Variants in ZC3H12B observed in about 807,000 individuals in gnomAD.
ZC3H12B encodes probable ribonuclease ZC3H12B.
Under a neutral mutation model 43.9 loss-of-function variants are expected in ZC3H12B, and 7 were observed. The observed-to-expected ratio is 0.16, with a 90% CI of 0.09 to 0.30. The LOEUF (loss-of-function observed/expected upper bound fraction) is 0.30. Among genes scored for constraint, ZC3H12B ranks in the 10% least tolerant of loss-of-function variants. ZC3H12B has a pLI of 1.00. For synonymous variants in ZC3H12B, 222 were observed against 241.7 expected (o/e 0.92, Z 0.76); for missense variants, 475 against 670.2 (o/e 0.71, Z 3.22).
At chrX:65,135,616 C>T in the ZC3H12B span, among the ~76,000 whole-genome samples, 2 of 109,614 alleles carry the variant, frequency 1.8e-5, no homozygotes, top group East Asian at 5.6e-4. Flanking sequence ...TGTTTACAGC[C>T]AGTTATTTCT....
chrX:65,225,214 T>C, the ZC3H12B span, among the ~76,000 whole-genome samples: 7,369 of 111,798 alleles, frequency 0.066, 273 homozygotes, highest in Admixed American at 0.097. Context: ...CATTCGCGGT[T>C]CACGAAAATC....
At chrX:65,178,782 G>T in the ZC3H12B span, among the ~76,000 whole-genome samples, 285 of 112,205 alleles carry the variant, frequency 2.5e-3, 1 homozygote, top group Admixed American at 3.6e-3. Context: ...AGAGGATGTG[G>T]AGAAATAGGA....
At chrX:65,225,625 G>GA in the ZC3H12B span, among the ~76,000 whole-genome samples, 1 of 111,814 alleles carries the variant, frequency 8.9e-6, no homozygotes, top group African/African-American at 3.2e-5. Flanking sequence ...TAAAAACTTT[G>GA]AAAAAAATTT....
At chrX:65,237,815 G>T in the ZC3H12B span, among the ~76,000 whole-genome samples, 1 of 111,520 alleles carries the variant, frequency 9.0e-6, no homozygotes, top group African/African-American at 3.3e-5. Flanking sequence ...TATCTATTGA[G>T]ATAATCTTGT....
At chrX:65,407,732 C>A (rs983311755) in intron 3 of ZC3H12B, among the ~76,000 whole-genome samples, 3 of 113,638 alleles carry the variant, frequency 2.6e-5, no homozygotes, top group African/African-American at 9.5e-5. Flanking sequence ...TCGGAGTCAC[C>A]GCGCCCCCGC....
chrX:65,177,127 C>T, the ZC3H12B span, among the ~76,000 whole-genome samples: 1 of 112,217 alleles, frequency 8.9e-6, no homozygotes, highest in African/African-American at 3.2e-5. Flanking sequence ...GTTCAACATA[C>T]ACAAAGCATT....
intron 3 of ZC3H12B, among the ~76,000 whole-genome samples, chrX:65,420,749 A>C (rs2067008567): frequency 9.0e-6 from 1 of 111,713 alleles, no homozygotes; most frequent in Non-Finnish European, 1.9e-5. Context: ...AAATAAATAG[A>C]AACCATTAAA....
the ZC3H12B span, among the ~76,000 whole-genome samples, chrX:65,136,915 T>A: frequency 8.9e-6 from 1 of 112,079 alleles, no homozygotes; most frequent in Admixed American, 9.5e-5. Context: ...AGATTCATTA[T>A]CTCTCTAAAG....
At chrX:65,146,014 T>G in the ZC3H12B span, among the ~76,000 whole-genome samples, 1 of 111,697 alleles carries the variant, frequency 9.0e-6, no homozygotes, top group Admixed American at 9.5e-5. Context: ...CTTCTTGTAT[T>G]TTGATGTCTA....
At chrX:65,192,150 A>T in the ZC3H12B span, among the ~76,000 whole-genome samples, 1 of 109,377 alleles carries the variant, frequency 9.1e-6, no homozygotes, top group Non-Finnish European at 1.9e-5. Context: ...GTTTGATTAC[A>T]CTGTGGTCTG....
At chrX:65,098,834 G>GTT in the ZC3H12B span, among the ~76,000 whole-genome samples, 16 of 108,013 alleles carry the variant, frequency 1.5e-4, no homozygotes, top group African/African-American at 5.4e-4. Flanking sequence ...GCTAGCTGCA[G>GTT]TTTTTTTTTT....
chrX:65,178,612 A>G, the ZC3H12B span, among the ~76,000 whole-genome samples: 1 of 112,680 alleles, frequency 8.9e-6, no homozygotes, highest in Non-Finnish European at 1.9e-5. Flanking sequence ...ATGTGAACAG[A>G]CACTTCTCAA....
chrX:65,044,968 T>TA, the ZC3H12B span, among the ~76,000 whole-genome samples: 619 of 98,886 alleles, frequency 6.3e-3, 3 homozygotes, highest in East Asian at 0.015. Context: ...CATCCCTACT[T>TA]AAAAAAAAAA....
chrX:65,124,961 A>AT, the ZC3H12B span, among the ~76,000 whole-genome samples: 13 of 109,088 alleles, frequency 1.2e-4, no homozygotes, highest in East Asian at 5.8e-4. Context: ...ATCTTTTGTA[A>AT]TTTTTTTGTT....
chrX:65,057,488 C>T, the ZC3H12B span, among the ~76,000 whole-genome samples: 6 of 111,654 alleles, frequency 5.4e-5, no homozygotes, highest in East Asian at 5.6e-4. Flanking sequence ...GTGGGTAACC[C>T]GACCTTTCTC....
At chrX:65,419,755 T>C (rs2066997955) in intron 3 of ZC3H12B, among the ~76,000 whole-genome samples, 1 of 110,133 alleles carries the variant, frequency 9.1e-6, no homozygotes, top group South Asian at 4.0e-4. Flanking sequence ...TTGGCACCCA[T>C]GGATCTAGCT....
chrX:65,151,559 G>A, the ZC3H12B span, among the ~76,000 whole-genome samples: 1 of 111,882 alleles, frequency 8.9e-6, no homozygotes, highest in East Asian at 2.8e-4. Context: ...AAGGAATCTA[G>A]CAATTCCCCT....
chrX:65,469,280 G>T, intron 3 of ZC3H12B: 1 of 269,836 alleles, frequency 3.7e-6, no homozygotes, highest in Admixed American at 5.3e-5. Flanking sequence ...CTGTGTCCTG[G>T]TGCTCCGAGC....
chrX:65,064,517 C>G, the ZC3H12B span, among the ~76,000 whole-genome samples: 1 of 111,942 alleles, frequency 8.9e-6, no homozygotes, highest in Non-Finnish European at 1.9e-5. Context: ...GTCTGAGAGA[C>G]TTTGTCTTAT....
Sources: gnomAD v4.1 joint callset for allele counts (sites outside exome capture counted in the v4.1 genomes callset) on GRCh38, gnomAD v4.1.1 for gene constraint, MANE v1.5 for transcripts, NCBI Gene and HGNC (gene_info 2026-07-23, HGNC 2026-07-21) for gene names.